EPAS1: variants seen among roughly 807,000 people sequenced by gnomAD.
The protein encoded by EPAS1 is endothelial PAS domain-containing protein 1.
EPAS1 carries 23 observed loss-of-function variants against 87.9 expected under a neutral mutation model. The observed-to-expected ratio is 0.26, with a 90% CI of 0.19 to 0.37. The LOEUF is 0.37. Ranked by LOEUF, EPAS1 falls within the 10% of genes least tolerant of loss-of-function variation. The pLI is 1.00. For missense variants in EPAS1, 1,138 were observed against 1,120.7 expected, an observed-to-expected ratio of 1.02 and a Z score of -0.22; for synonymous variants, 508 against 444.3, an observed-to-expected ratio of 1.14 and a Z score of -1.80.
intron 4 of EPAS1, among the ~76,000 whole-genome samples, chr2:46,359,257 CAAAAA>C (rs57351888): frequency 4.0e-4 from 10 of 25,090 alleles, no homozygotes; most frequent in African/African-American, 1.2e-3. Context: ...GATTCTGTCT[CAAAAA>C]AAAAAAAAAA....
intron 1 of EPAS1, among the ~76,000 whole-genome samples, chr2:46,304,032 A>G (rs1683061648): frequency 6.6e-6 from 1 of 152,226 alleles, no homozygotes; most frequent in African/African-American, 2.4e-5. Flanking sequence ...GGTATGATTC[A>G]TTTTATTAAT....
At chr2:46,349,149 G>T (rs955363862) in intron 2 of EPAS1, among the ~76,000 whole-genome samples, 12 of 152,184 alleles carry the variant, frequency 7.9e-5, no homozygotes, top group Non-Finnish European at 1.3e-4. Flanking sequence ...TGGGGGAAGG[G>T]AGAAGGTAGG....
At chr2:46,372,263 G>C (rs1263847756) in intron 7 of EPAS1, among the ~76,000 whole-genome samples, 4 of 152,158 alleles carry the variant, frequency 2.6e-5, no homozygotes, top group Non-Finnish European at 5.9e-5. Context: ...TTGGAAATTG[G>C]ATTAATGACA....
At chr2:46,307,444 C>T (rs991799040) in intron 1 of EPAS1, among the ~76,000 whole-genome samples, 1 of 152,178 alleles carries the variant, frequency 6.6e-6, no homozygotes, top group Admixed American at 6.5e-5. Flanking sequence ...GTAACCATAT[C>T]GTTGTGCAGC....
At chr2:46,382,731 C>A in intron 15 of EPAS1, 133 bp downstream of exon 15, 4 of 1,190,338 alleles carry the variant, frequency 3.4e-6, no homozygotes, top group South Asian at 1.3e-5. Context: ...CTATACAGGG[C>A]TCAGGTCTCC....
At position 46,376,625 on chromosome 2, in the gene EPAS1, T is replaced by G; in HGVS notation, c.1121T>G (p.Phe374Cys). The G allele has an allele frequency of 1.2e-6, 2 of 1,614,162 alleles. No individual in the cohort carries two copies. Among genetic ancestry groups the G allele is most frequent in the Non-Finnish European group, 1.7e-6 (2 of 1,180,026 alleles). ...CACCTGATGGCCATGAACAGCATCT[T>G]TGATAGCAGTGGCAAGGGGGCTGTG... The part of the protein sequence containing the change: ...KPHLMAMNSI[F>C]DSSGKGAVSE... Residue 374 changes from phenylalanine (F) to cysteine (C), a missense_variant, in exon 9 of 16, where the codon TTT becomes TGT. Around this residue, in one of 4 missense-constraint regions of EPAS1, gnomAD observed 284 missense variants for 258.4 expected, o/e 1.10. Transcript: ENST00000263734.
At chr2:46,370,714 A>C (rs576900141) in intron 7 of EPAS1, among the ~76,000 whole-genome samples, 19 of 152,328 alleles carry the variant, frequency 1.2e-4, no homozygotes, top group African/African-American at 4.6e-4. Context: ...TTTAAATGTA[A>C]ATATCCACAC....
chr2:46,307,887 T>C (rs1163576789), intron 1 of EPAS1, among the ~76,000 whole-genome samples: 1 of 152,154 alleles, frequency 6.6e-6, no homozygotes, highest in Non-Finnish European at 1.5e-5. Flanking sequence ...GGGGTTTCTT[T>C]TGTGGATTTG....
intron 1 of EPAS1, among the ~76,000 whole-genome samples, chr2:46,318,502 A>G (rs776605265): frequency 2.0e-5 from 3 of 152,256 alleles, no homozygotes; most frequent in Non-Finnish European, 4.4e-5. Context: ...AAAGTGCAAT[A>G]AAGTAAGGCA....
chr2:46,302,445 G>C (rs534239560), intron 1 of EPAS1, among the ~76,000 whole-genome samples: 2 of 151,820 alleles, frequency 1.3e-5, no homozygotes, highest in African/African-American at 4.8e-5. Flanking sequence ...TTTGCTTTCA[G>C]TACTAACCAT....
intron 2 of EPAS1, among the ~76,000 whole-genome samples, chr2:46,348,024 C>T (rs969169033): frequency 5.9e-5 from 9 of 152,228 alleles, no homozygotes; most frequent in South Asian, 2.1e-4. Context: ...GCCTTGGAGA[C>T]GGTGGACTCC....
chr2:46,335,619 G>A (rs1431849640), intron 1 of EPAS1: 34 of 152,070 alleles, frequency 2.2e-4, no homozygotes, highest in Admixed American at 2.2e-3. Context: ...GTAACTCCCT[G>A]TAAATTTGAG....
chr2:46,378,954 C>T (rs1288938023), intron 11 of EPAS1, among the ~76,000 whole-genome samples, 187 bp downstream of exon 11: 1 of 152,252 alleles, frequency 6.6e-6, no homozygotes, highest in Non-Finnish European at 1.5e-5. Flanking sequence ...CCTCCTCCCA[C>T]TGTCAAATCC....
intron 1 of EPAS1, among the ~76,000 whole-genome samples, chr2:46,325,128 A>G (rs1215006404): frequency 6.6e-6 from 1 of 152,256 alleles, no homozygotes; most frequent in African/African-American, 2.4e-5. Context: ...CCCTGCTTAA[A>G]AAGCATGGTG....
intron 7 of EPAS1, among the ~76,000 whole-genome samples, chr2:46,370,397 T>C (rs757295860): frequency 2.0e-5 from 3 of 152,230 alleles, no homozygotes; most frequent in Non-Finnish European, 4.4e-5. Context: ...GAGTTGGACC[T>C]TGAAGGATCG....
chr2:46,305,841 G>T (rs550626353), intron 1 of EPAS1, among the ~76,000 whole-genome samples: 2 of 152,222 alleles, frequency 1.3e-5, no homozygotes, highest in Admixed American at 1.3e-4. Context: ...CAGGAAAGTG[G>T]ATCCATTATG....
In EPAS1 at chr2:46,346,037, T is replaced by G. The variant is rs751657096; in HGVS notation, c.27-836T>G. ...AGCTAACAAGCAGAGAAGTTAGAACTCCAATCTAAACATTCTGGCTTTTAA... is the reference window on the plus strand; with the variant it reads ...AGCTAACAAGCAGAGAAGTTAGAACGCCAATCTAAACATTCTGGCTTTTAA... On this transcript the variant is annotated intron_variant, in intron 1 of 15. Coordinates refer to ENST00000263734, the MANE Select transcript of EPAS1 (RefSeq NM_001430.5). This position sits in a 1 kb window ranked among gnomAD's most constrained non-coding sequence, Gnocchi z 4.0. Among the ~76,000 whole-genome samples the G allele has an allele frequency of 6.6e-6, 1 of 152,238 alleles. No individual in the cohort carries two copies. The highest frequency in any genetic ancestry group is 1.5e-5 in the Non-Finnish European group (1 of 68,038).
At position 46,366,942 on chromosome 2, in the gene EPAS1, T is replaced by A. The variant is rs146610421; in HGVS notation, c.780-2885T>A. The stretch of plus-strand genomic sequence containing the variant: ...AATGACCATGAGCTTTAAGTTGGGG[T>A]TTCCTGGCTTTGTGAAGTTTGACAA... On this transcript the variant is annotated intron_variant, in intron 6 of 15. Transcript: ENST00000263734. 6.9e-3 allele frequency among the ~76,000 whole-genome samples: 1,052 copies of A among 152,372 alleles called. 14 individuals carry two copies. The highest frequency in any genetic ancestry group is 0.014 in the Middle Eastern group (4 of 294).
rs557685251 is a variant in EPAS1, at chr2:46,363,733, G to C, written c.779+2643G>C. 1.1e-4 allele frequency among the ~76,000 whole-genome samples: 16 copies of C among 152,294 alleles called. No homozygotes were observed. The East Asian group carries it at 3.1e-3, about 29-fold the overall frequency. On this transcript the variant is annotated intron_variant, in intron 6 of 15. Coordinates refer to ENST00000263734, the MANE Select transcript of EPAS1 (RefSeq NM_001430.5). The stretch of plus-strand genomic sequence containing the variant: ...TTAGGGCTTTGTGACTCATAATGTA[G>C]AGGGTGATATTGCTTATAAGTTCTG...
Sources: gnomAD v4.1 joint callset for allele counts (sites outside exome capture counted in the v4.1 genomes callset) on GRCh38, gnomAD v4.1.1 for gene constraint, gnomAD v4.1.1 regional missense constraint, Gnocchi (gnomAD v3.1) non-coding constraint, MANE v1.5 for transcripts, NCBI Gene and HGNC (gene_info 2026-07-23, HGNC 2026-07-21) for gene names.